Variants in CDIP1 observed in about 807,000 individuals in gnomAD.
CDIP1 encodes cell death inducing p53 target 1.
In CDIP1, 9 loss-of-function variants were observed where a neutral mutation model predicts 17.7. The ratio of observed to expected loss-of-function variants is 0.51; its 90% confidence interval spans 0.31 to 0.89. The LOEUF is 0.89. CDIP1 is among the 40% of genes least tolerant of loss of function. The pLI is 0.05. For synonymous variants in CDIP1, 117 were observed against 109.5 expected, an observed-to-expected ratio of 1.07 and a Z score of -0.43; for missense variants, 263 against 277.9, an observed-to-expected ratio of 0.95 and a Z score of 0.38.
intron 1 of CDIP1, among the ~76,000 whole-genome samples, chr16:4,537,456 A>G (rs1213989866): frequency 1.3e-5 from 2 of 152,194 alleles, no homozygotes; most frequent in Non-Finnish European, 2.9e-5. Context: ...ATCGGCCCCA[A>G]GGGAAGCAGC....
Position 4,512,148 on chromosome 16 carries a change from C to T in CDIP1, c.*424G>A. On this transcript the variant is annotated 3_prime_UTR_variant, in exon 6 of 6. Transcript: ENST00000567695. The surrounding 1 kb of genome is among the most constrained non-coding windows in gnomAD (Gnocchi z 4.6). ...GACAACTTACCCATTCTCGGCCCAGCAGGTCAGAAACGCCTGTGGCCACAG... is the reference window on the plus strand; with the variant it reads ...GACAACTTACCCATTCTCGGCCCAGTAGGTCAGAAACGCCTGTGGCCACAG... The T allele has an allele frequency of 5.3e-6, 1 of 187,800 alleles. No homozygotes were observed. Among genetic ancestry groups the T allele is most frequent in the Non-Finnish European group, 1.1e-5 (1 of 88,240 alleles). The allele number at this position is 187,800 out of a possible 1,614,324, so 11.6% of individuals were successfully genotyped here.
At chr16:4,519,407 C>A (rs965619783) in intron 1 of CDIP1, among the ~76,000 whole-genome samples, 2 of 147,854 alleles carry the variant, frequency 1.4e-5, no homozygotes, top group Admixed American at 1.3e-4. Context: ...GACTGCCCCC[C>A]ACTTCTGATC....
intron 1 of CDIP1, among the ~76,000 whole-genome samples, chr16:4,519,629 T>C (rs996724386): frequency 1.3e-5 from 2 of 152,164 alleles, no homozygotes; most frequent in Non-Finnish European, 2.9e-5. Flanking sequence ...TTTTGATGAC[T>C]GATGGTGAGG....
At chr16:4,523,227 C>T (rs552849529) in intron 1 of CDIP1, among the ~76,000 whole-genome samples, 46 of 152,292 alleles carry the variant, frequency 3.0e-4, no homozygotes, top group Admixed American at 4.6e-4. Flanking sequence ...ATTAAAGACA[C>T]GTCCCTGGCT....
intron 1 of CDIP1, among the ~76,000 whole-genome samples, chr16:4,521,590 T>G (rs1229690583): frequency 2.0e-5 from 3 of 150,680 alleles, no homozygotes; most frequent in Non-Finnish European, 4.4e-5. Flanking sequence ...GGGCCAGGTG[T>G]GGTGGCTCAG....
Position 4,513,339 on chromosome 16 carries a change from C to CTG in CDIP1, c.242-276_242-275insCA, listed in dbSNP as rs1567412089. Among the ~76,000 whole-genome samples, 16 of 152,042 alleles carry CTG rather than the reference C, an allele frequency of 1.1e-4. No homozygotes were observed. ...GGCACATGGCCCGGTCCCTCTGCTC[C>CTG]TCTGTCTGTCTCCAGCATGCAAGGA... is the stretch of plus-strand genomic sequence containing the variant. On this transcript the variant is annotated intron_variant, in intron 4 of 5. Transcript: ENST00000567695. The surrounding 1 kb of genome is among the most constrained non-coding windows in gnomAD (Gnocchi z 4.1).
chr16:4,524,524 A>C (rs1376368437), intron 1 of CDIP1, among the ~76,000 whole-genome samples: 1 of 152,154 alleles, frequency 6.6e-6, no homozygotes, highest in Non-Finnish European at 1.5e-5. Context: ...AAGTGTCCAG[A>C]CCATAAGAAG....
In CDIP1 at chr16:4,512,410, A is replaced by T. The variant is rs923863314; in HGVS notation, c.*162T>A. 3.2e-6 allele frequency: 2 copies of T among 621,602 alleles called. No homozygotes were observed. The highest frequency in any genetic ancestry group is 5.5e-5 in the East Asian group (2 of 36,326). The allele number at this position is 621,602 out of a possible 1,614,324, so 38.5% of individuals were successfully genotyped here. On this transcript the variant is annotated 3_prime_UTR_variant, in exon 6 of 6. Coordinates refer to ENST00000567695, the MANE Select transcript of CDIP1 (RefSeq NM_013399.3). This position sits in a 1 kb window ranked among gnomAD's most constrained non-coding sequence, Gnocchi z 4.6. Reference sequence around the variant, plus strand: ...ATCCCAACAGAATTTTTGCCAGAAGAGTCAGCGGCTCAGGTAGGGCAGGGT... The same window carrying T: ...ATCCCAACAGAATTTTTGCCAGAAGTGTCAGCGGCTCAGGTAGGGCAGGGT...
intron 1 of CDIP1, among the ~76,000 whole-genome samples, chr16:4,526,425 T>TC (rs911400773): frequency 2.7e-5 from 4 of 147,302 alleles, no homozygotes; most frequent in African/African-American, 1.0e-4. Context: ...AAATAGCTGG[T>TC]CACGGTGGCT....
At chr16:4,515,586 C>T (rs1218151917) in intron 1 of CDIP1, among the ~76,000 whole-genome samples, 2 of 152,154 alleles carry the variant, frequency 1.3e-5, no homozygotes, top group Non-Finnish European at 2.9e-5. Flanking sequence ...AACTCAATAA[C>T]AGAAAGACAA....
Position 4,514,109 on chromosome 16 carries a change from G to A in CDIP1, c.22C>T (p.Pro8Ser), listed in dbSNP as rs1229193945. The A allele has an allele frequency of 6.5e-7, 1 of 1,547,590 alleles. No individual in the cohort carries two copies. The highest frequency in any genetic ancestry group is 2.5e-5 in the East Asian group (1 of 40,326). Residue 8 changes from proline (P) to serine (S), a missense_variant, in exon 3 of 6, where the codon CCT becomes TCT. Coordinates refer to ENST00000567695, the MANE Select transcript of CDIP1 (RefSeq NM_013399.3). The surrounding 1 kb of genome is among the most constrained non-coding windows in gnomAD (Gnocchi z 5.2). Reference sequence around the variant, plus strand: ...GGGGCTGTGGGGCCCCCAGGATAAGGAGGGGGAGGCTCGCTGGACATCTTC... The same window carrying A: ...GGGGCTGTGGGGCCCCCAGGATAAGAAGGGGGAGGCTCGCTGGACATCTTC... The part of the protein sequence containing the change: MSSEPPP[P>S]YPGGPTAPLL...
chr16:4,523,129 A>G (rs2141644412), intron 1 of CDIP1, among the ~76,000 whole-genome samples: 1 of 152,288 alleles, frequency 6.6e-6, no homozygotes, highest in Middle Eastern at 3.4e-3. Flanking sequence ...GTGACCACGT[A>G]ACAGAGGCCC....
chr16:4,532,002 C>G (rs1053445656), intron 1 of CDIP1, among the ~76,000 whole-genome samples: 2 of 152,228 alleles, frequency 1.3e-5, no homozygotes, highest in African/African-American at 4.8e-5. Context: ...GGGGGAGTGC[C>G]TCTGAGCTAA....
At position 4,513,748 on chromosome 16, in the gene CDIP1, C is replaced by A; in HGVS notation, c.189G>T (p.Gln63His). The change falls in exon 4 of 6, where the codon CAG (glutamine) becomes CAT (histidine). Residue 63 changes from glutamine to histidine, a missense_variant. Coordinates refer to ENST00000567695, the MANE Select transcript of CDIP1 (RefSeq NM_013399.3). The surrounding 1 kb of genome is among the most constrained non-coding windows in gnomAD (Gnocchi z 4.1). Reference sequence around the variant, plus strand: ...TCATGTGTGGTGGGATGAAGCCAGGCTGGGGCATTGGGTGACCCGGCGGCT... The same window carrying A: ...TCATGTGTGGTGGGATGAAGCCAGGATGGGGCATTGGGTGACCCGGCGGCT... ...PYEPPGHPMP[Q>H]PGFIPPHMSA... 2 of 1,613,654 alleles carry A rather than the reference C, an allele frequency of 1.2e-6. No homozygotes were observed. Among genetic ancestry groups the A allele is most frequent in the Non-Finnish European group, 8.5e-7 (1 of 1,179,720 alleles).
chr16:4,514,261 C>G lies in CDIP1; in HGVS notation c.-14-117G>C. On this transcript the variant is annotated intron_variant, in intron 2 of 5. Coordinates refer to ENST00000567695, the MANE Select transcript of CDIP1 (RefSeq NM_013399.3). The surrounding 1 kb of genome is among the most constrained non-coding windows in gnomAD (Gnocchi z 5.2). ...GGCGTGTGACCATCCTCAGAAGGGT[C>G]TGCCTCCAGGCACTGGGGATCCCCC... is the stretch of plus-strand genomic sequence containing the variant. The G allele has an allele frequency of 1.6e-6, 1 of 614,990 alleles. No individual in the cohort carries two copies. Among genetic ancestry groups the G allele is most frequent in the Non-Finnish European group, 2.8e-6 (1 of 356,288 alleles). 38.1% of individuals were successfully genotyped at this position (614,990 alleles called of 1,614,324 possible). A position where few individuals can be genotyped will look rare whatever the true frequency, so the allele number is the denominator to read the frequency against.
At chr16:4,529,009 A>T (rs987749530) in intron 1 of CDIP1, among the ~76,000 whole-genome samples, 1 of 151,716 alleles carries the variant, frequency 6.6e-6, no homozygotes, top group African/African-American at 2.4e-5. Context: ...TATATATACT[A>T]CTCCTCATAC....
At chr16:4,529,896 G>A (rs568973080) in intron 1 of CDIP1, among the ~76,000 whole-genome samples, 1 of 152,364 alleles carries the variant, frequency 6.6e-6, no homozygotes, top group African/African-American at 2.4e-5. Context: ...TCTCCTGGCC[G>A]TCCTTAGCCA....
At chr16:4,531,162 G>A (rs958332836) in intron 1 of CDIP1, among the ~76,000 whole-genome samples, 7 of 151,756 alleles carry the variant, frequency 4.6e-5, no homozygotes, top group African/African-American at 1.7e-4. Flanking sequence ...CCAAGTAGCT[G>A]GGACTACAGG....
intron 1 of CDIP1, among the ~76,000 whole-genome samples, chr16:4,521,478 G>A (rs567868457): frequency 3.3e-5 from 5 of 151,986 alleles, no homozygotes; most frequent in Non-Finnish European, 7.4e-5. Flanking sequence ...CGCTCCTGGG[G>A]AGGCCCTGAG....
Sources: allele counts gnomAD v4.1 joint callset (sites outside exome capture counted in the v4.1 genomes callset), GRCh38; gene constraint gnomAD v4.1.1; non-coding constraint Gnocchi (gnomAD v3.1); transcripts MANE v1.5; gene names NCBI Gene and HGNC (gene_info 2026-07-23, HGNC 2026-07-21).